Variants in PRKCZ observed in about 807,000 individuals in gnomAD.
The protein encoded by PRKCZ is protein kinase C zeta, also known as protein kinase C zeta type.
PRKCZ carries 33 observed loss-of-function variants against 79.5 expected under a neutral mutation model. The observed-to-expected ratio is 0.41, with a 90% CI of 0.31 to 0.55. PRKCZ has a LOEUF of 0.55. Among genes scored for constraint, PRKCZ ranks in the 20% least tolerant of loss-of-function variants. The pLI is 0.19. For missense variants in PRKCZ, 578 were observed against 813.5 expected (o/e 0.71, Z 3.52); for synonymous variants, 342 against 320.9 (o/e 1.07, Z -0.70).
rs1371206431 is a variant in PRKCZ at position 2,168,409 on chromosome 1, T to C, written c.975-1109T>C. On this transcript the variant is annotated intron_variant, in intron 10 of 17. Coordinates refer to ENST00000378567, the MANE Select transcript of PRKCZ (RefSeq NM_002744.6). This position sits in a 1 kb window ranked among gnomAD's most constrained non-coding sequence, Gnocchi z 4.7. The stretch of plus-strand genomic sequence containing the variant: ...CGAGGAACGAGCCTTCCCCAGCCGC[T>C]CCCCAAAGGCACGGCTTATTCTTCA... Among the ~76,000 whole-genome samples the C allele has an allele frequency of 6.6e-6, 1 of 152,138 alleles. No homozygotes were observed. Among genetic ancestry groups the C allele is most frequent in the Non-Finnish European group, 1.5e-5 (1 of 68,024 alleles).
chr1:2,175,124 G>C, intron 15 of PRKCZ, 100 bp from the exon 16 acceptor site: 1 of 1,024,926 alleles, frequency 9.8e-7, no homozygotes, highest in Non-Finnish European at 1.5e-6. Context: ...CAGAGCATCG[G>C]GGGAGGGCTT....
At chr1:2,164,667 G>A (rs957544169) in intron 10 of PRKCZ, among the ~76,000 whole-genome samples, 1 of 152,206 alleles carries the variant, frequency 6.6e-6, no homozygotes, top group African/African-American at 2.4e-5. Flanking sequence ...CTGATCTCTA[G>A]CTTCCCTTTC....
At chr1:2,071,763 T>A (rs1472798166) in intron 4 of PRKCZ, among the ~76,000 whole-genome samples, 1 of 152,166 alleles carries the variant, frequency 6.6e-6, no homozygotes, top group African/African-American at 2.4e-5. Flanking sequence ...TAAATGCGTA[T>A]TTCCTGTGGG....
At chr1:2,159,275 A>G (rs1681745228) in intron 10 of PRKCZ, among the ~76,000 whole-genome samples, 1 of 152,240 alleles carries the variant, frequency 6.6e-6, no homozygotes, top group African/African-American at 2.4e-5. Context: ...CGGGTGGCGG[A>G]AAAGTCTGGC....
chr1:2,076,175 A>G (rs1306220133), intron 4 of PRKCZ, among the ~76,000 whole-genome samples: 1 of 152,160 alleles, frequency 6.6e-6, no homozygotes, highest in Non-Finnish European at 1.5e-5. Flanking sequence ...GTGTGATGAC[A>G]TCTGAAAAAC....
chr1:2,073,176 G>T (rs949442800), intron 4 of PRKCZ, among the ~76,000 whole-genome samples: 1 of 152,094 alleles, frequency 6.6e-6, no homozygotes, highest in Non-Finnish European at 1.5e-5. Flanking sequence ...TTAGGCTGAG[G>T]GTGTGCGTTT....
rs1019832938 is a variant in PRKCZ, at chr1:2,149,746, A to T, written c.687+822A>T. Among the ~76,000 whole-genome samples, 1 of 152,158 alleles carries T rather than the reference A, an allele frequency of 6.6e-6. No individual in the cohort carries two copies. The highest frequency in any genetic ancestry group is 2.4e-5 in the African/African-American group (1 of 41,438). ...CATGGTGGCACGGGCCTGTGGTCCT[A>T]GCTGCTTGGGAGGCTGAGGTGGGAG... On this transcript the variant is annotated intron_variant, in intron 8 of 17. Transcript: ENST00000378567. This position sits in a 1 kb window ranked among gnomAD's most constrained non-coding sequence, Gnocchi z 4.1.
At chr1:2,067,319 C>T (rs982668305) in intron 4 of PRKCZ, among the ~76,000 whole-genome samples, 1 of 152,202 alleles carries the variant, frequency 6.6e-6, no homozygotes, top group Middle Eastern at 3.2e-3. Context: ...TTTACGTGTT[C>T]TCCCTAGTTG....
At chr1:2,091,254 C>T (rs1043675650) in intron 4 of PRKCZ, among the ~76,000 whole-genome samples, 12 of 152,214 alleles carry the variant, frequency 7.9e-5, no homozygotes, top group Non-Finnish European at 1.2e-4. Context: ...CCAGGCTGCT[C>T]TCGAACTCCT....
chr1:2,071,781 C>T (rs760889946), intron 4 of PRKCZ, among the ~76,000 whole-genome samples: 10 of 152,136 alleles, frequency 6.6e-5, no homozygotes, highest in Non-Finnish European at 1.3e-4. Flanking sequence ...GGGAGCTCAG[C>T]GTGGCCATGG....
At position 2,178,255 on chromosome 1, in the gene PRKCZ, T is replaced by C. The variant is rs1268690998; in HGVS notation, c.1575+2942T>C. Among the ~76,000 whole-genome samples the C allele has an allele frequency of 1.3e-5, 2 of 152,246 alleles. No individual in the cohort carries two copies. The highest frequency in any genetic ancestry group is 4.8e-5 in the African/African-American group (2 of 41,462). On this transcript the variant is annotated intron_variant, in intron 16 of 17. Coordinates refer to ENST00000378567, the MANE Select transcript of PRKCZ (RefSeq NM_002744.6). This position sits in a 1 kb window ranked among gnomAD's most constrained non-coding sequence, Gnocchi z 4.3. The stretch of plus-strand genomic sequence containing the variant: ...CTCCGCCAGGCTGTGTGGCTCTGCC[T>C]GGTCTGCACATGTCATGGAAGTGGA...
rs934417444 is a variant in PRKCZ at position 2,082,660 on chromosome 1, G to A, written c.334+23069G>A. The stretch of plus-strand genomic sequence containing the variant: ...AGTGAAGGTGGAGTTGGGCAAGGGC[G>A]TACACGGTCGGCTTCTGAGAGTTGG... On this transcript the variant is annotated intron_variant, in intron 4 of 17. Transcript: ENST00000378567. The surrounding 1 kb of genome is among the most constrained non-coding windows in gnomAD (Gnocchi z 4.4). Among the ~76,000 whole-genome samples the A allele has an allele frequency of 3.9e-5, 6 of 152,194 alleles. No individual in the cohort carries two copies. The highest frequency in any genetic ancestry group is 1.2e-4 in the African/African-American group (5 of 41,438).
intron 8 of PRKCZ, among the ~76,000 whole-genome samples, chr1:2,150,002 C>CA (rs764428801): frequency 0.01 from 1,239 of 119,520 alleles, 14 homozygotes; most frequent in African/African-American, 0.031. Context: ...ACTAAAAATA[C>CA]AAAAAAAAAA....
intron 1 of PRKCZ, 53 bp downstream of exon 1, chr1:2,050,754 A>C: frequency 9.2e-6 from 3 of 324,430 alleles, no homozygotes; most frequent in Non-Finnish European, 1.5e-5. Context: ...GAGGGCGGGG[A>C]GGGCTCAGCC....
rs756657944 is a variant in PRKCZ at position 2,074,307 on chromosome 1, G to A, written c.334+14716G>A. On this transcript the variant is annotated intron_variant, in intron 4 of 17. Coordinates refer to ENST00000378567, the MANE Select transcript of PRKCZ (RefSeq NM_002744.6). ...GGCCCAGGCCTGGTGGATGTGTGGC[G>A]GTGGCTGTGGAGGGCTGGGGGCCGG... The A allele has an allele frequency of 1.9e-5, 29 of 1,548,638 alleles. No individual in the cohort carries two copies. The Middle Eastern group carries it at 1.2e-3, about 64-fold the overall frequency.
chr1:2,155,968 A>C, intron 9 of PRKCZ, 27 bp from the exon 10 acceptor site: 1 of 1,603,512 alleles, frequency 6.2e-7, no homozygotes, highest in Non-Finnish European at 8.5e-7. Context: ...CGGGAGCCTC[A>C]TTACCACTCC....
intron 4 of PRKCZ, among the ~76,000 whole-genome samples, chr1:2,115,976 C>T (rs1051980964): frequency 2.0e-5 from 3 of 152,330 alleles, no homozygotes; most frequent in Non-Finnish European, 2.9e-5. Flanking sequence ...CTCTCTGGAC[C>T]GTGGGCTGTG....
At chr1:2,081,893 G>A (rs2102397684) in intron 4 of PRKCZ, among the ~76,000 whole-genome samples, 1 of 152,326 alleles carries the variant, frequency 6.6e-6, no homozygotes, top group South Asian at 2.1e-4. Context: ...TTGATGAGAG[G>A]TGACAAAGGC....
At chr1:2,139,520 C>T (rs1676891878) in intron 5 of PRKCZ, among the ~76,000 whole-genome samples, 1 of 152,108 alleles carries the variant, frequency 6.6e-6, no homozygotes, top group South Asian at 2.1e-4. Flanking sequence ...ACCCGGGAGG[C>T]AGAGGTTGTA....
Sources: gnomAD v4.1 joint callset for allele counts (sites outside exome capture counted in the v4.1 genomes callset) on GRCh38, gnomAD v4.1.1 for gene constraint, Gnocchi (gnomAD v3.1) non-coding constraint, MANE v1.5 for transcripts, NCBI Gene and HGNC (gene_info 2026-07-23, HGNC 2026-07-21) for gene names.